The following CFAP299 variants were observed in gnomAD, a reference collection of about 807,000 sequenced individuals.
CFAP299 encodes cilia- and flagella-associated protein 299.
In CFAP299, 21 loss-of-function variants were observed where a neutral mutation model predicts 27.0. The observed-to-expected ratio is 0.78, with a 90% CI of 0.55 to 1.12. The LOEUF (loss-of-function observed/expected upper bound fraction) is 1.12, where lower values mean the gene tolerates loss of function less well. CFAP299 is among the 50% of genes most tolerant of loss of function. The pLI, the probability that CFAP299 is intolerant of heterozygous loss-of-function variation, is 0.00. For missense variants in CFAP299, 310 were observed against 276.6 expected (o/e 1.12, Z -0.86); for synonymous variants, 104 against 98.1 (o/e 1.06, Z -0.36).
chr4:80,927,270 C>T lies in CFAP299; in HGVS notation c.477-17540C>T, dbSNP rs1477980121. ...TAATTATAACTTATATTCCTGATTCCCCAACCTTAAGTACAAAATGAGGTC... is the reference window on the plus strand; with the variant it reads ...TAATTATAACTTATATTCCTGATTCTCCAACCTTAAGTACAAAATGAGGTC... On this transcript the variant is annotated intron_variant, in intron 4 of 5. Coordinates refer to ENST00000358105, the MANE Select transcript of CFAP299 (RefSeq NM_152770.3). 3.9e-5 allele frequency among the ~76,000 whole-genome samples: 6 copies of T among 151,978 alleles called. No homozygotes were observed. The East Asian group carries it at 5.8e-4, about 15-fold the overall frequency.
intron 3 of CFAP299, among the ~76,000 whole-genome samples, chr4:80,686,441 C>T (rs560561412): frequency 7.2e-4 from 109 of 152,146 alleles, no homozygotes; most frequent in Non-Finnish European, 1.4e-3. Context: ...TATAAAAATA[C>T]TTTCATATGT....
At chr4:80,462,830 T>C (rs956277303) in intron 2 of CFAP299, among the ~76,000 whole-genome samples, 13 of 152,308 alleles carry the variant, frequency 8.5e-5, no homozygotes, top group Non-Finnish European at 1.8e-4. Flanking sequence ...CTAGTTTTTT[T>C]CCTCAATGAA....
intron 3 of CFAP299, among the ~76,000 whole-genome samples, chr4:80,796,695 G>A (rs1258060225): frequency 1.3e-5 from 2 of 152,164 alleles, no homozygotes; most frequent in Non-Finnish European, 2.9e-5. Flanking sequence ...CAGGCCAAAT[G>A]GGAGAGTGAA....
chr4:80,699,573 G>C (rs755692785), intron 3 of CFAP299, among the ~76,000 whole-genome samples: 1 of 152,150 alleles, frequency 6.6e-6, no homozygotes, highest in Non-Finnish European at 1.5e-5. Flanking sequence ...ATGTTTTACA[G>C]TTTCTTCAAG....
At chr4:80,770,079 T>G (rs966483426) in intron 3 of CFAP299, among the ~76,000 whole-genome samples, 7 of 151,980 alleles carry the variant, frequency 4.6e-5, no homozygotes, top group African/African-American at 1.7e-4. Context: ...ATTTTGGGGG[T>G]CTAACAAACT....
intron 3 of CFAP299, among the ~76,000 whole-genome samples, chr4:80,591,790 G>A (rs1736803212): frequency 6.6e-6 from 1 of 152,104 alleles, no homozygotes; most frequent in Non-Finnish European, 1.5e-5. Context: ...TTTGAATTTG[G>A]GAGATACTGC....
Position 80,786,700 on chromosome 4 carries a change from C to T in CFAP299, c.334-83293C>T, listed in dbSNP as rs187674405. 2.1e-4 allele frequency among the ~76,000 whole-genome samples: 32 copies of T among 152,188 alleles called. No homozygotes were observed. The East Asian group carries it at 5.6e-3, about 27-fold the overall frequency. On this transcript the variant is annotated intron_variant, in intron 3 of 5. Coordinates refer to ENST00000358105, the MANE Select transcript of CFAP299 (RefSeq NM_152770.3). The stretch of plus-strand genomic sequence containing the variant: ...TACTGGAATCCTATCAAGGCAATCA[C>T]TAAATATTTTGGGATTCTTAAAATG...
chr4:80,782,499 T>C (rs1726938806), intron 3 of CFAP299, among the ~76,000 whole-genome samples: 1 of 146,804 alleles, frequency 6.8e-6, no homozygotes, highest in South Asian at 2.1e-4. Flanking sequence ...ATACACAATA[T>C]ATATTAATAT....
chr4:80,609,278 A>G (rs529928427), intron 3 of CFAP299, among the ~76,000 whole-genome samples: 3 of 152,246 alleles, frequency 2.0e-5, no homozygotes, highest in Middle Eastern at 3.4e-3. Context: ...TTAAGTCAAA[A>G]TAATATTCCC....
chr4:80,846,108 A>G (rs377454718), intron 3 of CFAP299, among the ~76,000 whole-genome samples: 25 of 152,272 alleles, frequency 1.6e-4, no homozygotes, highest in African/African-American at 5.1e-4. Flanking sequence ...AAGCAGCTCA[A>G]GCTCTAATAG....
At chr4:80,829,175 T>C (rs150213204) in intron 3 of CFAP299, among the ~76,000 whole-genome samples, 124 of 152,108 alleles carry the variant, frequency 8.2e-4, no homozygotes, top group South Asian at 4.4e-3. Context: ...GCAAATCATA[T>C]ATCTGATAAG....
chr4:80,883,262 C>T (rs887609539), intron 4 of CFAP299, among the ~76,000 whole-genome samples: 5 of 151,736 alleles, frequency 3.3e-5, no homozygotes, highest in Non-Finnish European at 1.5e-5. Flanking sequence ...ATTAGCCTCA[C>T]GGTAAACACA....
upstream of CFAP299, among the ~76,000 whole-genome samples, chr4:80,333,638 G>A (rs1461521646): frequency 1.3e-5 from 2 of 152,000 alleles, no homozygotes; most frequent in African/African-American, 4.8e-5. Flanking sequence ...CCTTAAATCT[G>A]GCATATATTT....
chr4:80,391,231 A>G (rs1453154256), intron 2 of CFAP299, among the ~76,000 whole-genome samples: 1 of 152,080 alleles, frequency 6.6e-6, no homozygotes, highest in Non-Finnish European at 1.5e-5. Context: ...TTCCTTGTAT[A>G]CTCAGAACTT....
rs566783754 is a variant in CFAP299 at position 80,858,840 on chromosome 4, A to G, written c.334-11153A>G. ...AGCTTTACTTCCAACTATGTGGTCA[A>G]TTTTGGAATAGGTGTGGTGTGGTGC... On this transcript the variant is annotated intron_variant, in intron 3 of 5. Transcript: ENST00000358105. Among the ~76,000 whole-genome samples the G allele has an allele frequency of 2.0e-5, 3 of 152,076 alleles. No individual in the cohort carries two copies. The East Asian group carries it at 5.8e-4, about 29-fold the overall frequency.
intron 3 of CFAP299, among the ~76,000 whole-genome samples, chr4:80,813,393 AT>A (rs1729261246): frequency 6.6e-6 from 1 of 152,038 alleles, no homozygotes. Flanking sequence ...TTAGAAGTGA[AT>A]TCTTAAAACT....
chr4:80,954,403 T>A (rs1158577193), intron 5 of CFAP299, among the ~76,000 whole-genome samples: 1 of 152,186 alleles, frequency 6.6e-6, no homozygotes, highest in Non-Finnish European at 1.5e-5. Context: ...TGAATTTTAT[T>A]AGAATATGGA....
intron 2 of CFAP299, among the ~76,000 whole-genome samples, chr4:80,511,237 ATT>A (rs1480516908): frequency 6.6e-6 from 1 of 152,138 alleles, no homozygotes; most frequent in Non-Finnish European, 1.5e-5. Context: ...TCATGCAGTA[ATT>A]ACAAAGATGA....
intron 3 of CFAP299, among the ~76,000 whole-genome samples, chr4:80,783,668 A>C (rs146266106): frequency 6.6e-6 from 1 of 152,184 alleles, no homozygotes; most frequent in East Asian, 1.9e-4. Context: ...GTGCTTATAC[A>C]TATATTATGG....
Sources: allele counts gnomAD v4.1 joint callset (sites outside exome capture counted in the v4.1 genomes callset), GRCh38; gene constraint gnomAD v4.1.1; transcripts MANE v1.5; gene names NCBI Gene and HGNC (gene_info 2026-07-23, HGNC 2026-07-21).